Variants in KLF8 observed in about 807,000 individuals in gnomAD.
The protein encoded by KLF8 is Krueppel-like factor 8.
A neutral mutation model predicts 18.2 loss-of-function variants in KLF8; 10 were observed. The observed-to-expected ratio is 0.55, with a 90% confidence interval of 0.34 to 0.93. KLF8 has a LOEUF of 0.93. KLF8 is among the 40% of genes least tolerant of loss of function. The pLI is 0.02. For synonymous variants in KLF8, 109 were observed against 97.3 expected (o/e 1.12, Z -0.71); for missense variants, 264 against 277.9 (o/e 0.95, Z 0.36).
the KLF8 span, among the ~76,000 whole-genome samples, chrX:56,175,669 C>T: frequency 9.0e-6 from 1 of 111,269 alleles, no homozygotes; most frequent in Non-Finnish European, 1.9e-5. Flanking sequence ...CTTTCTGTCT[C>T]ATTGATCTGT....
the KLF8 span, among the ~76,000 whole-genome samples, chrX:56,214,177 G>A: frequency 9.0e-6 from 1 of 110,634 alleles, no homozygotes; most frequent in Non-Finnish European, 1.9e-5. Context: ...AGGATGGGGG[G>A]TGAGGGGGGC....
the KLF8 span, among the ~76,000 whole-genome samples, chrX:55,991,085 C>A: frequency 2.7e-5 from 3 of 112,108 alleles, no homozygotes; most frequent in Non-Finnish European, 5.6e-5. Flanking sequence ...TTGGCTATAC[C>A]CTGCCCCCAG....
the KLF8 span, among the ~76,000 whole-genome samples, chrX:56,008,087 T>A: frequency 2.7e-5 from 3 of 109,671 alleles, no homozygotes; most frequent in African/African-American, 1.0e-4. Context: ...TAATATGTTA[T>A]GCAAATAACT....
chrX:56,265,108 T>A, intron 2 of KLF8, 72 bp from the exon 3 acceptor site: 1 of 1,076,206 alleles, frequency 9.3e-7, no homozygotes, highest in Non-Finnish European at 1.2e-6. Context: ...GATTTCTTTT[T>A]TACATTGCTT....
the KLF8 span, among the ~76,000 whole-genome samples, chrX:56,101,918 T>C: frequency 1.4e-4 from 16 of 112,068 alleles, no homozygotes; most frequent in African/African-American, 4.9e-4. Flanking sequence ...ACTCTGTTGA[T>C]AGCTTCTTTT....
the KLF8 span, among the ~76,000 whole-genome samples, chrX:56,022,813 G>C: frequency 1.8e-5 from 2 of 110,171 alleles, no homozygotes; most frequent in Non-Finnish European, 3.8e-5. Flanking sequence ...CTCTCAGGGA[G>C]ACCTCATGTG....
chrX:55,920,663 G>GAAT, the KLF8 span, among the ~76,000 whole-genome samples: 1 of 107,850 alleles, frequency 9.3e-6, no homozygotes, highest in Non-Finnish European at 1.9e-5. Flanking sequence ...CAAACAAGCA[G>GAAT]AAAGAACTTC....
At chrX:56,117,758 T>G in the KLF8 span, among the ~76,000 whole-genome samples, 1 of 112,261 alleles carries the variant, frequency 8.9e-6, no homozygotes, top group Non-Finnish European at 1.9e-5. Flanking sequence ...CTAATCCTTG[T>G]GTCAGTGTGG....
At chrX:55,998,432 C>T in the KLF8 span, among the ~76,000 whole-genome samples, 1 of 112,608 alleles carries the variant, frequency 8.9e-6, no homozygotes, top group African/African-American at 3.2e-5. Context: ...GCAGAGGTCC[C>T]TGCGGCCTTC....
rs755826443 is a variant in KLF8 at position 56,288,216 on chromosome X, G to C, written c.*3722G>C. ...ATCATGCCACTTCACTCCAGCCTGG[G>C]TGACAGAGCGACACACTTGATCTCA... On this transcript the variant is annotated 3_prime_UTR_variant, in exon 6 of 6. Transcript: ENST00000468660. 3.7e-3 allele frequency among the ~76,000 whole-genome samples: 402 copies of C among 109,883 alleles called. No individual in the cohort carries two copies. The highest frequency in any genetic ancestry group is 0.012 in the African/African-American group (369 of 29,935).
At chrX:55,954,308 C>G in the KLF8 span, among the ~76,000 whole-genome samples, 2 of 111,524 alleles carry the variant, frequency 1.8e-5, no homozygotes, top group African/African-American at 3.3e-5. Flanking sequence ...GAAGCTGGGT[C>G]TCTGTGAGAA....
the KLF8 span, among the ~76,000 whole-genome samples, chrX:56,114,198 C>T: frequency 6.2e-5 from 7 of 112,164 alleles, no homozygotes; most frequent in African/African-American, 2.3e-4. Context: ...TCCAAACCGC[C>T]CAGTCTCCTT....
chrX:56,015,503 A>T, the KLF8 span, among the ~76,000 whole-genome samples: 1 of 112,223 alleles, frequency 8.9e-6, no homozygotes, highest in South Asian at 3.7e-4. Flanking sequence ...TGGCTTTCTG[A>T]TTCTGTGAAT....
chrX:55,993,277 A>G, the KLF8 span, among the ~76,000 whole-genome samples: 1 of 111,805 alleles, frequency 8.9e-6, no homozygotes, highest in Non-Finnish European at 1.9e-5. Context: ...TGTTCCTTCA[A>G]TGCTTAGTTT....
At chrX:56,034,548 A>G in the KLF8 span, among the ~76,000 whole-genome samples, 1 of 110,788 alleles carries the variant, frequency 9.0e-6, no homozygotes, top group Non-Finnish European at 1.9e-5. Context: ...ACAGTTATAT[A>G]TATGTATGGG....
the KLF8 span, among the ~76,000 whole-genome samples, chrX:56,067,366 G>T: frequency 9.1e-6 from 1 of 109,594 alleles, no homozygotes; most frequent in African/African-American, 3.3e-5. Flanking sequence ...TTTGAATAGT[G>T]TCTAGGAACT....
the KLF8 span, among the ~76,000 whole-genome samples, chrX:56,053,557 T>TTTTTTTG: frequency 6.5e-3 from 684 of 105,924 alleles, 9 homozygotes; most frequent in East Asian, 0.068. Flanking sequence ...TTTTTTTTTT[T>TTTTTTTG]GGGGAATAGT....
At chrX:56,177,900 C>T in the KLF8 span, among the ~76,000 whole-genome samples, 1 of 111,913 alleles carries the variant, frequency 8.9e-6, no homozygotes, top group African/African-American at 3.2e-5. Flanking sequence ...CCCTCCAAGC[C>T]AGGTGCCAGA....
intron 1 of KLF8, among the ~76,000 whole-genome samples, chrX:56,236,889 TGTA>T (rs1435110940): frequency 2.8e-5 from 3 of 105,631 alleles, no homozygotes; most frequent in Non-Finnish European, 1.9e-5. Context: ...TGAATAACAT[TGTA>T]GTATTGGGCT....
Sources: allele counts gnomAD v4.1 joint callset (sites outside exome capture counted in the v4.1 genomes callset), GRCh38; gene constraint gnomAD v4.1.1; transcripts MANE v1.5; gene names NCBI Gene and HGNC (gene_info 2026-07-23, HGNC 2026-07-21).